PTPRT: variants seen among roughly 807,000 people sequenced by gnomAD.
PTPRT encodes the protein protein tyrosine phosphatase receptor type T.
PTPRT carries 56 observed loss-of-function variants against 176.8 expected under a neutral mutation model. The ratio of observed to expected loss-of-function variants is 0.32; its 90% confidence interval spans 0.26 to 0.40. The LOEUF (loss-of-function observed/expected upper bound fraction) is 0.40. Ranked by LOEUF, PTPRT falls within the 10% of genes least tolerant of loss-of-function variation. The pLI, the probability that PTPRT is intolerant of heterozygous loss-of-function variation, is 1.00. For missense variants in PTPRT, 1,540 were observed against 1,908.2 expected (o/e 0.81, Z 3.60); for synonymous variants, 783 against 739.0 (o/e 1.06, Z -0.96).
intron 27 of PTPRT, among the ~76,000 whole-genome samples, chr20:42,094,478 T>G (rs939366162): frequency 8.5e-5 from 13 of 152,194 alleles, no homozygotes; most frequent in African/African-American, 3.1e-4. Context: ...GCTAGAGTAC[T>G]GTGGTGTGAT....
intron 2 of PTPRT, among the ~76,000 whole-genome samples, chr20:42,875,476 T>C (rs192734292): frequency 6.6e-6 from 1 of 152,316 alleles, no homozygotes; most frequent in Admixed American, 6.5e-5. Flanking sequence ...AAAAACCATC[T>C]TATAATATGA....
chr20:43,112,449 C>CT (rs1353554596), intron 1 of PTPRT, among the ~76,000 whole-genome samples: 1 of 152,016 alleles, frequency 6.6e-6, no homozygotes, highest in African/African-American at 2.4e-5. Context: ...TCATTCCATT[C>CT]TATTCTGTTG....
At chr20:42,665,420 A>G (rs3092261) in intron 7 of PTPRT, among the ~76,000 whole-genome samples, 4,202 of 151,982 alleles carry the variant, frequency 0.028, 89 homozygotes, top group Non-Finnish European at 0.042. Context: ...TTAGAATGGC[A>G]ATCATTAAAA....
Position 43,151,235 on chromosome 20 carries a change from G to A in PTPRT, c.88+38411C>T, listed in dbSNP as rs529216566. On this transcript the variant is annotated intron_variant, in intron 1 of 30. Coordinates refer to ENST00000373187, the MANE Select transcript of PTPRT (RefSeq NM_007050.6). ...GCAGGAGAATTGCTTGAACCCGGGA[G>A]GCGGAGGTTGCGGTGAGCTGAGATC... 4.0e-5 allele frequency among the ~76,000 whole-genome samples: 6 copies of A among 151,824 alleles called. No homozygotes were observed. In the South Asian group the frequency reaches 8.3e-4, roughly 21 times the overall value.
intron 2 of PTPRT, among the ~76,000 whole-genome samples, chr20:42,798,631 C>A (rs777145970): frequency 2.3e-4 from 35 of 150,624 alleles, no homozygotes; most frequent in Non-Finnish European, 4.6e-4. Flanking sequence ...ATATATAATA[C>A]CTATTTAAAA....
At position 43,074,342 on chromosome 20, in the gene PTPRT, A is replaced by C. The variant is rs555004453; in HGVS notation, c.88+115304T>G. ...CGTTCTTTTTCAGTGTAAAAAGATC[A>C]GTTTCCCTAATGTCTGGATCTCCAA... On this transcript the variant is annotated intron_variant, in intron 1 of 30. Coordinates refer to ENST00000373187, the MANE Select transcript of PTPRT (RefSeq NM_007050.6). Among the ~76,000 whole-genome samples the C allele has an allele frequency of 3.9e-5, 6 of 152,356 alleles. No individual in the cohort carries two copies. In the East Asian group the frequency reaches 5.8e-4, roughly 15 times the overall value.
chr20:42,686,630 C>T (rs1186012301), intron 6 of PTPRT, among the ~76,000 whole-genome samples: 3 of 151,700 alleles, frequency 2.0e-5, no homozygotes, highest in Non-Finnish European at 4.4e-5. Context: ...ACTACAGGTG[C>T]TACAGGCATG....
At chr20:42,600,580 C>T (rs992482129) in intron 7 of PTPRT, among the ~76,000 whole-genome samples, 5 of 152,044 alleles carry the variant, frequency 3.3e-5, no homozygotes, top group East Asian at 1.9e-4. Context: ...TACATTGCGC[C>T]GATAGGTAGT....
At chr20:42,559,841 A>C (rs2072921549) in intron 7 of PTPRT, among the ~76,000 whole-genome samples, 1 of 152,186 alleles carries the variant, frequency 6.6e-6, no homozygotes, top group Non-Finnish European at 1.5e-5. Context: ...TGCTAGAAAA[A>C]TGTTGCAGCT....
chr20:42,762,941 T>C (rs1345556456), intron 5 of PTPRT, among the ~76,000 whole-genome samples: 1 of 152,266 alleles, frequency 6.6e-6, no homozygotes, highest in Non-Finnish European at 1.5e-5. Flanking sequence ...TGGCTTACTT[T>C]GTTTTATGTG....
chr20:42,363,270 T>TTTTATATATATATATATA (rs1312740759), intron 9 of PTPRT, among the ~76,000 whole-genome samples: 11 of 30,380 alleles, frequency 3.6e-4, no homozygotes, highest in African/African-American at 1.5e-3. Flanking sequence ...TTTATTACAA[T>TTTTATATATATATATATA]TATATATATA....
chr20:42,849,387 TA>T (rs1459461269), intron 2 of PTPRT, among the ~76,000 whole-genome samples: 1 of 152,262 alleles, frequency 6.6e-6, no homozygotes, highest in Non-Finnish European at 1.5e-5. Flanking sequence ...GACAATCAAC[TA>T]AATTAAATCA....
chr20:42,912,913 T>A (rs1978492405), intron 1 of PTPRT, among the ~76,000 whole-genome samples: 1 of 152,180 alleles, frequency 6.6e-6, no homozygotes, highest in Admixed American at 6.5e-5. Flanking sequence ...TTATTATGGA[T>A]CTGAACATGG....
chr20:42,527,304 C>A (rs941278119), intron 7 of PTPRT, among the ~76,000 whole-genome samples: 2 of 152,100 alleles, frequency 1.3e-5, no homozygotes, highest in Non-Finnish European at 2.9e-5. Context: ...CCTTGATTCT[C>A]CATGGTGCCA....
At chr20:42,449,967 A>G (rs185674813) in intron 8 of PTPRT, among the ~76,000 whole-genome samples, 4 of 152,266 alleles carry the variant, frequency 2.6e-5, no homozygotes, top group African/African-American at 7.2e-5. Flanking sequence ...TATATTTTTT[A>G]TTTTTAAAAA....
At chr20:42,985,649 T>A (rs182933155) in intron 1 of PTPRT, among the ~76,000 whole-genome samples, 121 of 152,196 alleles carry the variant, frequency 8.0e-4, no homozygotes, top group Non-Finnish European at 1.5e-3. Context: ...AAATACAGAC[T>A]TTTTAAAATT....
intron 7 of PTPRT, among the ~76,000 whole-genome samples, chr20:42,496,885 T>C (rs1363024732): frequency 2.0e-5 from 3 of 152,170 alleles, no homozygotes; most frequent in African/African-American, 7.2e-5. Context: ...ATACAATGTG[T>C]AATGAAACTT....
chr20:43,172,768 G>A (rs921981533), intron 1 of PTPRT, among the ~76,000 whole-genome samples: 6 of 151,968 alleles, frequency 3.9e-5, no homozygotes, highest in Non-Finnish European at 5.9e-5. Flanking sequence ...TGATAAAATC[G>A]AGGCTCAAAG....
At chr20:43,187,580 G>C (rs1393033260) in intron 1 of PTPRT, among the ~76,000 whole-genome samples, 1 of 152,006 alleles carries the variant, frequency 6.6e-6, no homozygotes, top group Non-Finnish European at 1.5e-5. Context: ...GGCTTAGAAT[G>C]CACCAGTTCT....
Sources: allele counts gnomAD v4.1 joint callset (sites outside exome capture counted in the v4.1 genomes callset), GRCh38; gene constraint gnomAD v4.1.1; transcripts MANE v1.5; gene names NCBI Gene and HGNC (gene_info 2026-07-23, HGNC 2026-07-21).